CSMD1: variants seen among roughly 807,000 people sequenced by gnomAD.
CSMD1 encodes the protein CUB and sushi domain-containing protein 1.
CSMD1 carries 213 observed loss-of-function variants against 417.5 expected under a neutral mutation model. The observed-to-expected ratio is 0.51, with a 90% confidence interval of 0.46 to 0.57. CSMD1 has a LOEUF of 0.57. Among genes scored for constraint, CSMD1 ranks in the 20% least tolerant of loss-of-function variants. The probability of loss-of-function intolerance (pLI) is 0.00; values close to 1 mark genes in which losing one functional copy is unlikely to be tolerated. For missense variants in CSMD1, 6,923 were observed against 4,529.7 expected (o/e 1.53, Z -15.17); for synonymous variants, 2,862 against 1,736.8 (o/e 1.65, Z -16.11).
At chr8:3,667,727 T>A (rs553737815) in intron 7 of CSMD1, among the ~76,000 whole-genome samples, 1 of 152,106 alleles carries the variant, frequency 6.6e-6, no homozygotes, top group African/African-American at 2.4e-5. Context: ...AGTTACTCAT[T>A]AGAGAAAGTA....
intron 4 of CSMD1, among the ~76,000 whole-genome samples, chr8:4,019,091 G>T (rs375991459): frequency 1.8e-4 from 27 of 152,090 alleles, no homozygotes; most frequent in Non-Finnish European, 3.1e-4. Context: ...TCTATATCTG[G>T]ACTACTGCTA....
In CSMD1 at chr8:4,239,867, A is replaced by G. The variant is rs142055165; in HGVS notation, c.415+180086T>C. Among the ~76,000 whole-genome samples the G allele has an allele frequency of 8.4e-3, 1,280 of 152,304 alleles. 22 individuals are homozygous for G. The highest frequency in any genetic ancestry group is 0.029 in the African/African-American group (1,221 of 41,570). ...CTATTTTGGAATATAGTGAAAAACA[A>G]AGTATCCTTATCCTTTGCAGCATTA... is the stretch of plus-strand genomic sequence containing the variant. On this transcript the variant is annotated intron_variant, in intron 3 of 69. Transcript: ENST00000635120.
chr8:3,071,194 T>C (rs1479705113), intron 49 of CSMD1, among the ~76,000 whole-genome samples: 1 of 152,214 alleles, frequency 6.6e-6, no homozygotes, highest in East Asian at 1.9e-4. Context: ...GCATTGGGCA[T>C]TACAATTCAA....
intron 5 of CSMD1, among the ~76,000 whole-genome samples, chr8:3,863,416 T>C (rs895623057): frequency 7.4e-6 from 1 of 134,890 alleles, no homozygotes; most frequent in South Asian, 2.4e-4. Context: ...AAAAAAAAAG[T>C]GCTAATACCA....
intron 3 of CSMD1, among the ~76,000 whole-genome samples, chr8:4,260,633 A>C (rs2680600): frequency 2.0e-5 from 3 of 152,242 alleles, no homozygotes; most frequent in South Asian, 4.1e-4. Flanking sequence ...GATATTATTC[A>C]TAAGTCCTTG....
intron 27 of CSMD1, among the ~76,000 whole-genome samples, chr8:3,224,362 C>G (rs1392894574): frequency 6.6e-6 from 1 of 152,318 alleles, no homozygotes; most frequent in Non-Finnish European, 1.5e-5. Flanking sequence ...CATCTAGCTC[C>G]TGTTCATTGT....
intron 3 of CSMD1, among the ~76,000 whole-genome samples, chr8:4,319,203 G>C (rs913008780): frequency 3.3e-5 from 5 of 152,146 alleles, no homozygotes; most frequent in African/African-American, 1.2e-4. Context: ...TCCAATTACA[G>C]ATTTTGATGA....
chr8:3,595,606 G>A (rs1342919768), intron 8 of CSMD1, among the ~76,000 whole-genome samples: 1 of 152,096 alleles, frequency 6.6e-6, no homozygotes, highest in Non-Finnish European at 1.5e-5. Flanking sequence ...ATGGTTCCAG[G>A]GTATAAGCAA....
In CSMD1 at chr8:3,702,111, C is replaced by G. The variant is rs187469092; in HGVS notation, c.1009+6303G>C. ...TATAATGTTGTGTTGTTATTTTTCCCAGGGGCATAAAGGCAATGCATTAGA... is the reference window on the plus strand; with the variant it reads ...TATAATGTTGTGTTGTTATTTTTCCGAGGGGCATAAAGGCAATGCATTAGA... On this transcript the variant is annotated intron_variant, in intron 7 of 69. Coordinates refer to ENST00000635120, the MANE Select transcript of CSMD1 (RefSeq NM_033225.6). 6.6e-5 allele frequency: 10 copies of G among 152,136 alleles called. No homozygotes were observed. The East Asian group carries it at 1.5e-3, about 24-fold the overall frequency. 9.4% of individuals were successfully genotyped at this position (152,136 alleles called of 1,614,324 possible). A position where few individuals can be genotyped will look rare whatever the true frequency, so the allele number is the denominator to read the frequency against.
intron 5 of CSMD1, among the ~76,000 whole-genome samples, chr8:3,829,614 G>A (rs1001429428): frequency 6.6e-6 from 1 of 152,132 alleles, no homozygotes; most frequent in African/African-American, 2.4e-5. Flanking sequence ...CAGGAGAGCT[G>A]AAGAAAAAGA....
intron 40 of CSMD1, among the ~76,000 whole-genome samples, chr8:3,147,735 C>T (rs1184392163): frequency 6.6e-6 from 1 of 152,184 alleles, no homozygotes. Context: ...TTTCCCATAA[C>T]GTCTGTTTCT....
intron 26 of CSMD1, among the ~76,000 whole-genome samples, chr8:3,248,445 T>C (rs951286066): frequency 1.3e-5 from 2 of 150,774 alleles, no homozygotes; most frequent in African/African-American, 4.9e-5. Context: ...TGGCTGGAAG[T>C]GTGAGACAGA....
At chr8:3,396,059 A>G (rs1811676156) in intron 17 of CSMD1, 135 bp downstream of exon 17, 4 of 693,110 alleles carry the variant, frequency 5.8e-6, no homozygotes, top group Admixed American at 5.9e-5. Flanking sequence ...TTACAATTGC[A>G]TAGTATGGTT....
At chr8:3,998,186 A>C in intron 4 of CSMD1, 76 bp from the exon 5 acceptor site, 5 of 1,275,916 alleles carry the variant, frequency 3.9e-6, no homozygotes, top group Non-Finnish European at 4.3e-6. Flanking sequence ...ACCAAGTGTC[A>C]CTCTTGATCA....
chr8:4,740,320 T>C (rs117888068), intron 1 of CSMD1, among the ~76,000 whole-genome samples: 2,391 of 152,296 alleles, frequency 0.016, 20 homozygotes, highest in Middle Eastern at 0.044. Flanking sequence ...TTACTAATGT[T>C]GTGATATAGC....
intron 4 of CSMD1, among the ~76,000 whole-genome samples, chr8:4,001,656 T>C (rs921928161): frequency 3.3e-5 from 5 of 152,126 alleles, no homozygotes; most frequent in African/African-American, 1.2e-4. Flanking sequence ...CTTAGACACT[T>C]ACTATCTACA....
intron 26 of CSMD1, among the ~76,000 whole-genome samples, chr8:3,269,673 T>C (rs533138432): frequency 6.6e-6 from 1 of 152,194 alleles, no homozygotes; most frequent in Non-Finnish European, 1.5e-5. Flanking sequence ...AGCGTTTATT[T>C]AACCCCCAGA....
At chr8:3,635,243 AG>A (rs1189741930) in intron 7 of CSMD1, among the ~76,000 whole-genome samples, 1 of 152,022 alleles carries the variant, frequency 6.6e-6, no homozygotes, top group Non-Finnish European at 1.5e-5. Flanking sequence ...TCAGAATCCT[AG>A]GTGGGTGGAT....
chr8:3,732,173 G>A (rs1253932000), intron 6 of CSMD1, among the ~76,000 whole-genome samples: 1 of 152,172 alleles, frequency 6.6e-6, no homozygotes, highest in Non-Finnish European at 1.5e-5. Flanking sequence ...CACTCGTGGT[G>A]GTTGCCTTGG....
Sources: gnomAD v4.1 joint callset for allele counts (sites outside exome capture counted in the v4.1 genomes callset) on GRCh38, gnomAD v4.1.1 for gene constraint, MANE v1.5 for transcripts, NCBI Gene and HGNC (gene_info 2026-07-23, HGNC 2026-07-21) for gene names.